Variants in PLXDC2 observed in about 807,000 individuals in gnomAD.
PLXDC2 encodes plexin domain-containing protein 2.
PLXDC2 carries 40 observed loss-of-function variants against 68.9 expected under a neutral mutation model. That is an observed-to-expected ratio of 0.58 (90% confidence interval 0.45 to 0.76). The LOEUF (loss-of-function observed/expected upper bound fraction) is 0.76. Ranked by LOEUF, PLXDC2 falls within the 30% of genes least tolerant of loss-of-function variation. The probability of loss-of-function intolerance (pLI) is 0.00; values close to 1 mark genes in which losing one functional copy is unlikely to be tolerated. For synonymous variants in PLXDC2, 243 were observed against 234.2 expected (o/e 1.04, Z -0.34); for missense variants, 644 against 661.9 (o/e 0.97, Z 0.30).
chr10:20,211,569 G>A, intron 9 of PLXDC2, 100 bp from the exon 10 acceptor site: 1 of 981,532 alleles, frequency 1.0e-6, no homozygotes, highest in Non-Finnish European at 1.5e-6. Flanking sequence ...AACTGAAAAT[G>A]TGAGAATGAA....
chr10:20,148,519 A>T (rs1378864226), intron 6 of PLXDC2, among the ~76,000 whole-genome samples: 1 of 152,204 alleles, frequency 6.6e-6, no homozygotes, highest in Non-Finnish European at 1.5e-5. Context: ...ATGAAAATTT[A>T]CTAAATTGTA....
chr10:19,949,255 A>G (rs1011707857), intron 1 of PLXDC2, among the ~76,000 whole-genome samples: 5 of 152,130 alleles, frequency 3.3e-5, no homozygotes, highest in African/African-American at 9.7e-5. Context: ...GTGACAAAGC[A>G]TTCTACACAT....
chr10:20,059,369 GTT>G (rs1564299777), intron 3 of PLXDC2, among the ~76,000 whole-genome samples: 1 of 152,156 alleles, frequency 6.6e-6, no homozygotes, highest in East Asian at 1.9e-4. Context: ...GTAGTCATGT[GTT>G]TGCTGGGAAC....
At chr10:19,970,160 A>G (rs1269770642) in intron 1 of PLXDC2, among the ~76,000 whole-genome samples, 1 of 152,204 alleles carries the variant, frequency 6.6e-6, no homozygotes, top group Non-Finnish European at 1.5e-5. Flanking sequence ...TCTCTTCTCT[A>G]AAATGAAGAA....
At chr10:20,229,668 A>G (rs1835334666) in intron 12 of PLXDC2, among the ~76,000 whole-genome samples, 1 of 152,126 alleles carries the variant, frequency 6.6e-6, no homozygotes, top group African/African-American at 2.4e-5. Flanking sequence ...CTAGGTTTTC[A>G]ATGGTTTGCT....
At chr10:20,048,279 G>C (rs576202343) in intron 3 of PLXDC2, among the ~76,000 whole-genome samples, 1 of 152,210 alleles carries the variant, frequency 6.6e-6, no homozygotes, top group South Asian at 2.1e-4. Context: ...AGTATACCAT[G>C]ATGATTCACT....
chr10:20,052,722 C>CAAAAAAAAAAAAA (rs59776582), intron 3 of PLXDC2, among the ~76,000 whole-genome samples: 2 of 92,824 alleles, frequency 2.2e-5, no homozygotes, highest in African/African-American at 7.7e-5. Flanking sequence ...ACAAATTATG[C>CAAAAAAAAAAAAA]AAAAAAAAAA....
intron 13 of PLXDC2, among the ~76,000 whole-genome samples, chr10:20,277,208 CAAAAAAAAAAAA>C (rs60978653): frequency 1.5e-5 from 1 of 67,950 alleles, no homozygotes; most frequent in Admixed American, 2.3e-4. Flanking sequence ...GATTCCATCT[CAAAAAAAAAAAA>C]AAAAAAAAAA....
At chr10:20,163,602 C>A (rs1834335319) in intron 6 of PLXDC2, among the ~76,000 whole-genome samples, 1 of 151,986 alleles carries the variant, frequency 6.6e-6, no homozygotes, top group African/African-American at 2.4e-5. Flanking sequence ...TTATTCTTTT[C>A]TTTTACTTTC....
At chr10:20,066,846 GGA>G (rs1477430652) in intron 3 of PLXDC2, among the ~76,000 whole-genome samples, 1 of 152,062 alleles carries the variant, frequency 6.6e-6, no homozygotes, top group Non-Finnish European at 1.5e-5. Context: ...TTGTGTATTG[GGA>G]GAGATATAAT....
intron 9 of PLXDC2, among the ~76,000 whole-genome samples, chr10:20,197,549 G>A (rs1834856324): frequency 6.6e-6 from 1 of 152,022 alleles, no homozygotes; most frequent in African/African-American, 2.4e-5. Flanking sequence ...GTAGAAATGG[G>A]GTTTCACCAT....
At chr10:19,992,368 T>C (rs908009424) in intron 1 of PLXDC2, among the ~76,000 whole-genome samples, 2 of 152,172 alleles carry the variant, frequency 1.3e-5, no homozygotes, top group Non-Finnish European at 2.9e-5. Flanking sequence ...ACAAGAATCT[T>C]ATTAAAAAAT....
intron 2 of PLXDC2, among the ~76,000 whole-genome samples, chr10:20,022,634 T>G (rs1835331147): frequency 6.6e-6 from 1 of 152,144 alleles, no homozygotes; most frequent in Non-Finnish European, 1.5e-5. Flanking sequence ...CTCCCTCCTC[T>G]ACACGCTTTG....
intron 1 of PLXDC2, among the ~76,000 whole-genome samples, chr10:19,857,883 A>G (rs1467651374): frequency 6.6e-6 from 1 of 152,260 alleles, no homozygotes; most frequent in African/African-American, 2.4e-5. Context: ...TCATCAAAAT[A>G]TTTAAAATAC....
intron 1 of PLXDC2, among the ~76,000 whole-genome samples, chr10:19,876,216 T>C (rs1417720811): frequency 6.6e-6 from 1 of 152,186 alleles, no homozygotes; most frequent in East Asian, 1.9e-4. Flanking sequence ...AGATCGTTTC[T>C]ATTGTGGTAA....
chr10:19,859,171 A>T (rs1837272387), intron 1 of PLXDC2, among the ~76,000 whole-genome samples: 2 of 152,166 alleles, frequency 1.3e-5, no homozygotes, highest in South Asian at 2.1e-4. Context: ...TGACCTCAGG[A>T]TCCAAACACC....
In PLXDC2 at chr10:20,143,317, C is replaced by A; in HGVS notation, c.564C>A (p.Val188=). The part of the protein sequence containing the change: ...ATGGFIYTGE[V]VHRMLTATQY... ...TAGGTTTCATATACACTGGAGAAGT[C>A]GTACATCGAATGCTAACAGCCACAC... Residue 188 remains valine (V), a synonymous_variant, in exon 5 of 14, where the codon GTC becomes GTA. Coordinates refer to ENST00000377252, the MANE Select transcript of PLXDC2 (RefSeq NM_032812.9). The A allele has an allele frequency of 6.2e-7, 1 of 1,612,640 alleles. No individual in the cohort carries two copies. The highest frequency in any genetic ancestry group is 8.5e-7 in the Non-Finnish European group (1 of 1,179,038).
chr10:19,906,918 G>A (rs1196710001), intron 1 of PLXDC2, among the ~76,000 whole-genome samples: 1 of 152,130 alleles, frequency 6.6e-6, no homozygotes, highest in Admixed American at 6.5e-5. Flanking sequence ...ATGTTTGACA[G>A]TGAACAGACT....
intron 4 of PLXDC2, among the ~76,000 whole-genome samples, chr10:20,137,670 G>C (rs1490396998): frequency 1.3e-5 from 2 of 152,188 alleles, no homozygotes; most frequent in Non-Finnish European, 2.9e-5. Flanking sequence ...ATGAGGGAGA[G>C]TACATAGCAG....
Sources: allele counts gnomAD v4.1 joint callset (sites outside exome capture counted in the v4.1 genomes callset), GRCh38; gene constraint gnomAD v4.1.1; transcripts MANE v1.5; gene names NCBI Gene and HGNC (gene_info 2026-07-23, HGNC 2026-07-21).